DGLUCY: variants seen among roughly 807,000 people sequenced by gnomAD.
DGLUCY encodes D-glutamate cyclase, also known as D-glutamate cyclase, mitochondrial.
DGLUCY carries 58 observed loss-of-function variants against 58.5 expected under a neutral mutation model. The ratio of observed to expected loss-of-function variants is 0.99; its 90% CI spans 0.80 to 1.23. The LOEUF (loss-of-function observed/expected upper bound fraction) is 1.23. DGLUCY is among the 50% of genes most tolerant of loss of function. DGLUCY has a pLI of 0.00. For synonymous variants in DGLUCY, 325 were observed against 314.1 expected (o/e 1.03, Z -0.37); for missense variants, 779 against 784.7 (o/e 0.99, Z 0.09).
Position 91,170,166 on chromosome 14 carries a change from G to T in DGLUCY, c.421G>T (p.Asp141Tyr). ...GGAGAAAGCGGGGCTCCCCAGAAGA[G>T]ACCCAGCAGGTCACAGCCAGGCGGG... ...ALEKAGLPRR[D>Y]PAGHSQAGAY... The change falls in exon 5 of 14, where the codon GAC (aspartate) becomes TAC (tyrosine). Residue 141 changes from aspartate to tyrosine, a missense_variant. Physicochemically the swap from Asp to Tyr is radical, Grantham distance 160. Transcript: ENST00000256324. 1 of 1,613,754 alleles carries T rather than the reference G, an allele frequency of 6.2e-7. No individual in the cohort carries two copies. Among genetic ancestry groups the T allele is most frequent in the Admixed American group, 1.7e-5 (1 of 60,026 alleles).
chr14:91,219,499 G>T (rs1730913562), intron 13 of DGLUCY, among the ~76,000 whole-genome samples: 1 of 152,252 alleles, frequency 6.6e-6, no homozygotes. Flanking sequence ...CAGAGCTGTG[G>T]CCTGAGCTAG....
At chr14:91,173,523 C>G (rs911590119) in intron 6 of DGLUCY, 84 bp downstream of exon 6, 74 of 1,407,710 alleles carry the variant, frequency 5.3e-5, no homozygotes, top group Non-Finnish European at 7.0e-5. Context: ...CCCATGATCC[C>G]CCTGTTCACA....
At chr14:91,069,986 A>T (rs913064597) in intron 1 of DGLUCY, among the ~76,000 whole-genome samples, 1 of 151,568 alleles carries the variant, frequency 6.6e-6, no homozygotes, top group Admixed American at 6.6e-5. Context: ...GAAGGCATTT[A>T]GTTGAAAAAA....
At position 91,127,208 on chromosome 14, in the gene DGLUCY, C is replaced by T. The variant is rs561868459; in HGVS notation, c.-82+12925C>T. ...AGTAGCTAGAACCACAGGCATGTGC[C>T]ACCATGCCTGGGTATTTTTTAAATA... On this transcript the variant is annotated intron_variant, in intron 1 of 13. Coordinates refer to ENST00000256324, the MANE Select transcript of DGLUCY (RefSeq NM_001102368.3). Among the ~76,000 whole-genome samples the T allele has an allele frequency of 1.4e-3, 218 of 152,198 alleles. 2 individuals are homozygous for T. Among genetic ancestry groups the T allele is most frequent in the African/African-American group, 5.1e-3 (213 of 41,538 alleles).
At chr14:91,095,789 C>T (rs1315074696) in intron 1 of DGLUCY, among the ~76,000 whole-genome samples, 1 of 152,110 alleles carries the variant, frequency 6.6e-6, no homozygotes, top group Non-Finnish European at 1.5e-5. Context: ...CCCCTCCCTC[C>T]CCAGCTTTCC....
At chr14:91,164,354 G>A (rs141156855) in intron 3 of DGLUCY, among the ~76,000 whole-genome samples, 155 of 152,338 alleles carry the variant, frequency 1.0e-3, no homozygotes, top group African/African-American at 3.5e-3. Flanking sequence ...GTCACCTGGA[G>A]ACAACCGTGA....
chr14:91,096,600 C>A (rs1489639120), intron 1 of DGLUCY, among the ~76,000 whole-genome samples: 1 of 152,222 alleles, frequency 6.6e-6, no homozygotes, highest in Admixed American at 6.5e-5. Flanking sequence ...CAGCACAGTT[C>A]TCCAGAGAGG....
chr14:91,082,601 G>A (rs1348266239), intron 1 of DGLUCY, among the ~76,000 whole-genome samples: 1 of 152,168 alleles, frequency 6.6e-6, no homozygotes. Flanking sequence ...TTAGAAGTTT[G>A]AAGATGACAA....
chr14:91,176,135 C>A, intron 7 of DGLUCY, 79 bp downstream of exon 7: 2 of 1,497,996 alleles, frequency 1.3e-6, no homozygotes, highest in South Asian at 1.2e-5. Flanking sequence ...AGCATATTCT[C>A]GTAGTACAAT....
At chr14:91,174,690 CAAAG>C (rs1195849650) in intron 6 of DGLUCY, among the ~76,000 whole-genome samples, 6 of 152,186 alleles carry the variant, frequency 3.9e-5, no homozygotes, top group African/African-American at 1.4e-4. Context: ...TAATCAAACT[CAAAG>C]AGTTTGGGTA....
At chr14:91,069,860 A>C (rs2043887463) in intron 1 of DGLUCY, among the ~76,000 whole-genome samples, 1 of 143,016 alleles carries the variant, frequency 7.0e-6, no homozygotes. Context: ...GGCTCACTGC[A>C]ACCTCCCCCT....
At chr14:91,130,394 G>A (rs529553406) in intron 1 of DGLUCY, among the ~76,000 whole-genome samples, 4 of 150,162 alleles carry the variant, frequency 2.7e-5, no homozygotes, top group South Asian at 2.1e-4. Context: ...TGCAACCTCC[G>A]CCTCCTGGGT....
chr14:91,189,573 C>A (rs528933216), intron 9 of DGLUCY, among the ~76,000 whole-genome samples: 4 of 152,308 alleles, frequency 2.6e-5, no homozygotes, highest in African/African-American at 9.6e-5. Flanking sequence ...TCGTGATGGG[C>A]AGGGCTGCAC....
chr14:91,189,076 C>T lies in DGLUCY; in HGVS notation c.1101C>T (p.Ala367=), dbSNP rs2049704159. 19 of 1,614,178 alleles carry T rather than the reference C, an allele frequency of 1.2e-5. No individual in the cohort carries two copies. The highest frequency in any genetic ancestry group is 1.6e-5 in the Non-Finnish European group (19 of 1,180,040). ...DGPPGAVALV[A]FLQALEKEVA... is the part of the protein sequence containing the mutation. ...CACCAGGAGCTGTTGCTCTGGTTGC[C>T]TTCCTGCAGGCCTTGGAGAAGGAGG... Residue 367 remains alanine, a synonymous_variant, in exon 9 of 14, where the codon GCC becomes GCT. Coordinates refer to ENST00000256324, the MANE Select transcript of DGLUCY (RefSeq NM_001102368.3).
intron 1 of DGLUCY, among the ~76,000 whole-genome samples, chr14:91,128,555 G>A (rs1326550459): frequency 6.6e-6 from 1 of 152,032 alleles, no homozygotes; most frequent in African/African-American, 2.4e-5. Flanking sequence ...GATTGTATTA[G>A]CCTATATAAC....
chr14:91,223,168 G>C (rs970295147), intron 13 of DGLUCY, among the ~76,000 whole-genome samples: 1 of 152,184 alleles, frequency 6.6e-6, no homozygotes, highest in Non-Finnish European at 1.5e-5. Flanking sequence ...AAGCTGGGTT[G>C]GGTGCCCCTG....
At chr14:91,198,121 C>A (rs539111645) in intron 10 of DGLUCY, among the ~76,000 whole-genome samples, 112 of 152,324 alleles carry the variant, frequency 7.4e-4, no homozygotes, top group African/African-American at 2.6e-3. Context: ...TGGCTCACTG[C>A]AGCCTCTGCC....
intron 1 of DGLUCY, among the ~76,000 whole-genome samples, chr14:91,142,120 A>G (rs1361029391): frequency 6.6e-6 from 1 of 152,200 alleles, no homozygotes; most frequent in African/African-American, 2.4e-5. Context: ...TGCTGGGATT[A>G]CAGGCGTGAG....
intron 1 of DGLUCY, among the ~76,000 whole-genome samples, chr14:91,131,981 CAG>C (rs2046049120): frequency 6.6e-6 from 1 of 152,046 alleles, no homozygotes; most frequent in African/African-American, 2.4e-5. Flanking sequence ...TTAGTAGAGA[CAG>C]GGTTTCTCCA....
Sources: allele counts gnomAD v4.1 joint callset (sites outside exome capture counted in the v4.1 genomes callset), GRCh38; gene constraint gnomAD v4.1.1; transcripts MANE v1.5; gene names NCBI Gene and HGNC (gene_info 2026-07-23, HGNC 2026-07-21).